FANCL: variants seen among roughly 807,000 people sequenced by gnomAD.
FANCL encodes E3 ubiquitin-protein ligase FANCL.
FANCL carries 69 observed loss-of-function variants against 59.4 expected under a neutral mutation model. The ratio of observed to expected loss-of-function variants is 1.16; its 90% confidence interval spans 0.96 to 1.42. FANCL has a LOEUF of 1.42. FANCL is among the 40% of genes most tolerant of loss of function. The pLI is 0.00. For synonymous variants in FANCL, 180 were observed against 147.1 expected (o/e 1.22, Z -1.62); for missense variants, 519 against 447.2 (o/e 1.16, Z -1.45).
chr2:58,191,254 T>C (rs1232275100), intron 7 of FANCL, among the ~76,000 whole-genome samples: 1 of 151,892 alleles, frequency 6.6e-6, no homozygotes, highest in African/African-American at 2.4e-5. Context: ...TTCACTAATA[T>C]TGAAAAAAAT....
chr2:58,185,335 C>A (rs1688297583), intron 7 of FANCL, among the ~76,000 whole-genome samples: 1 of 152,202 alleles, frequency 6.6e-6, no homozygotes, highest in Middle Eastern at 3.4e-3. Flanking sequence ...CGTATACGGG[C>A]TTGTCCATGA....
chr2:58,173,002 G>A (rs1371491269), intron 7 of FANCL, among the ~76,000 whole-genome samples: 2 of 152,234 alleles, frequency 1.3e-5, no homozygotes, highest in Admixed American at 6.5e-5. Flanking sequence ...AGAAGCCTCA[G>A]GAGCCGATGC....
intron 5 of FANCL, among the ~76,000 whole-genome samples, chr2:58,212,946 A>G (rs947086438): frequency 2.6e-5 from 4 of 152,188 alleles, no homozygotes; most frequent in African/African-American, 9.6e-5. Flanking sequence ...CTTTCATCTT[A>G]TTTTAAATAT....
intron 5 of FANCL, among the ~76,000 whole-genome samples, chr2:58,207,492 C>G (rs187857723): frequency 2.0e-5 from 3 of 152,238 alleles, no homozygotes; most frequent in Admixed American, 2.0e-4. Flanking sequence ...TCTTGAATGT[C>G]CTTGTGAAGA....
At chr2:58,224,087 T>C (rs1692735897) in intron 4 of FANCL, among the ~76,000 whole-genome samples, 1 of 151,854 alleles carries the variant, frequency 6.6e-6, no homozygotes, top group East Asian at 1.9e-4. Flanking sequence ...ATAGATATTG[T>C]AAATCAGAGA....
At position 58,166,163 on chromosome 2, in the gene FANCL, G is replaced by GTAC. The variant is rs3836117; in HGVS notation, c.541-292_541-290dup. ...TACTACACGTATGCAATAGTAATGA[G>GTAC]TACAAGATGTATGTACACACAACTT... On this transcript the variant is annotated intron_variant, in intron 7 of 13. Transcript: ENST00000233741. 0.72 allele frequency among the ~76,000 whole-genome samples: 108,681 copies of GTAC among 151,680 alleles called. 40,026 individuals carry two copies. Among genetic ancestry groups the GTAC allele is most frequent in the African/African-American group, 0.9 (37,444 of 41,440 alleles).
At position 58,159,770 on chromosome 2, in the gene FANCL, G is replaced by C. The variant is rs1196056444; in HGVS notation, c.1123C>G (p.His375Asp). The C allele has an allele frequency of 2.5e-6, 4 of 1,612,958 alleles. No homozygotes were observed. Among genetic ancestry groups the C allele is most frequent in the Middle Eastern group, 1.6e-4 (1 of 6,078 alleles). The change falls in exon 14 of 14, where the codon CAC (histidine) becomes GAC (aspartate). Residue 375 changes from histidine to aspartate, a missense_variant. Transcript: ENST00000233741. ...CGAAATGTTGTATTCTTATTTCAGTGTTTCCTTCCAGACATTTTTAAGGTA... is the reference window on the plus strand; with the variant it reads ...CGAAATGTTGTATTCTTATTTCAGTCTTTCCTTCCAGACATTTTTAAGGTA... ...PITLKMSGRK[H>D]
intron 7 of FANCL, among the ~76,000 whole-genome samples, chr2:58,191,366 A>G (rs17049396): frequency 0.04 from 6,040 of 151,928 alleles, 140 homozygotes; most frequent in East Asian, 0.096. Flanking sequence ...CACCTGCTAT[A>G]TAAGAATATT....
chr2:58,229,908 T>C (rs776093478), intron 2 of FANCL, 34 bp from the exon 3 acceptor site: 9 of 1,478,220 alleles, frequency 6.1e-6, no homozygotes, highest in East Asian at 2.3e-5. Context: ...GGTTTATTCA[T>C]TGTTCAGAAT....
intron 7 of FANCL, among the ~76,000 whole-genome samples, chr2:58,177,359 C>T (rs916018940): frequency 5.3e-5 from 8 of 151,766 alleles, no homozygotes; most frequent in African/African-American, 1.7e-4. Flanking sequence ...CTATTCACAA[C>T]AGCAAAGACT....
At chr2:58,171,877 C>T (rs1161129151) in intron 7 of FANCL, among the ~76,000 whole-genome samples, 3 of 152,182 alleles carry the variant, frequency 2.0e-5, no homozygotes, top group Non-Finnish European at 2.9e-5. Context: ...ACAGACAGCA[C>T]CCGGAAAATC....
Position 58,159,716 on chromosome 2 carries a change from G to A in FANCL, c.*49C>T, listed in dbSNP as rs763874552. On this transcript the variant is annotated 3_prime_UTR_variant, in exon 14 of 14. Coordinates refer to ENST00000233741, the MANE Select transcript of FANCL (RefSeq NM_018062.4). ...TGAAGATGATACCAAAATTCCTTTT[G>A]ATAATTTTTTAAGTTTCCAGCTCTT... The A allele has an allele frequency of 3.7e-6, 6 of 1,611,596 alleles. No homozygotes were observed. The Admixed American group carries it at 1.0e-4, about 27-fold the overall frequency.
In FANCL at chr2:58,226,709, A is replaced by G. The variant is rs1329824014; in HGVS notation, c.273+19T>C. 2 of 912,822 alleles carry G rather than the reference A, an allele frequency of 2.2e-6. No homozygotes were observed. The highest frequency in any genetic ancestry group is 2.1e-5 in the African/African-American group (1 of 48,046). The allele number at this position is 912,822 out of a possible 1,614,324, so 56.5% of individuals were successfully genotyped here. ...ACTTGCAGTATGGTAACAGTGTCAG[A>G]AAAAAAAAAAATTCTTACCAAAAGC... On this transcript the variant is annotated intron_variant, in intron 4 of 13. Transcript: ENST00000233741.
At chr2:58,197,304 C>T (rs114680290) in intron 7 of FANCL, among the ~76,000 whole-genome samples, 2,524 of 151,986 alleles carry the variant, frequency 0.017, 50 homozygotes, top group Middle Eastern at 0.031. Flanking sequence ...TTACTTTACT[C>T]ATGTATTTAT....
intron 7 of FANCL, among the ~76,000 whole-genome samples, chr2:58,187,707 G>C (rs1256439173): frequency 1.3e-5 from 2 of 151,986 alleles, no homozygotes; most frequent in African/African-American, 2.4e-5. Flanking sequence ...TTTTACACAT[G>C]AAATAAATTT....
chr2:58,208,422 T>A (rs900796578), intron 5 of FANCL, among the ~76,000 whole-genome samples: 3 of 152,222 alleles, frequency 2.0e-5, no homozygotes, highest in African/African-American at 7.2e-5. Context: ...ACATTTAAAA[T>A]GTTTGTTAAT....
intron 4 of FANCL, among the ~76,000 whole-genome samples, chr2:58,226,225 A>C (rs1196242616): frequency 2.0e-5 from 3 of 152,152 alleles, no homozygotes; most frequent in Non-Finnish European, 4.4e-5. Context: ...GGGTAATAAA[A>C]TGAACTTGGG....
chr2:58,199,069 A>G (rs1689734252), intron 6 of FANCL, among the ~76,000 whole-genome samples: 1 of 151,948 alleles, frequency 6.6e-6, no homozygotes, highest in Non-Finnish European at 1.5e-5. Flanking sequence ...TATTGGGGGA[A>G]AACATATTAT....
At chr2:58,213,955 A>G (rs1691446060) in intron 5 of FANCL, among the ~76,000 whole-genome samples, 1 of 151,854 alleles carries the variant, frequency 6.6e-6, no homozygotes, top group Non-Finnish European at 1.5e-5. Context: ...GAGCTGCCCT[A>G]TGGGACAACT....
Sources: allele counts gnomAD v4.1 joint callset (sites outside exome capture counted in the v4.1 genomes callset), GRCh38; gene constraint gnomAD v4.1.1; transcripts MANE v1.5; gene names NCBI Gene and HGNC (gene_info 2026-07-23, HGNC 2026-07-21).